Variants in PRRC2C observed in about 807,000 individuals in gnomAD.
The protein encoded by PRRC2C is proline rich coiled-coil 2C, also known as protein PRRC2C.
A neutral mutation model predicts 317.2 loss-of-function variants in PRRC2C; 72 were observed. That is an observed-to-expected ratio of 0.23 (90% confidence interval 0.19 to 0.28). PRRC2C has a LOEUF of 0.28. Ranked by LOEUF, PRRC2C falls within the 10% of genes least tolerant of loss-of-function variation. PRRC2C has a pLI of 1.00. For missense variants in PRRC2C, 3,074 were observed against 3,459.7 expected, an observed-to-expected ratio of 0.89 and a Z score of 2.80; for synonymous variants, 1,296 against 1,205.9, an observed-to-expected ratio of 1.07 and a Z score of -1.55.
intron 33 of PRRC2C, 138 bp downstream of exon 33, chr1:171,588,643 A>G: frequency 1.0e-6 from 1 of 987,450 alleles, no homozygotes; most frequent in East Asian, 2.7e-5. Context: ...TTAACAATAA[A>G]TTTATTTTAT....
intron 1 of PRRC2C, among the ~76,000 whole-genome samples, chr1:171,493,081 A>AG (rs1667476336): frequency 7.4e-5 from 2 of 27,092 alleles, no homozygotes; most frequent in African/African-American, 1.3e-4. Flanking sequence ...ATAAAATAAT[A>AG]AAAGAAGAGA....
chr1:171,491,143 G>A (rs1436383969), intron 1 of PRRC2C, among the ~76,000 whole-genome samples: 2 of 152,204 alleles, frequency 1.3e-5, no homozygotes, highest in Non-Finnish European at 2.9e-5. Flanking sequence ...GGGAAGATAC[G>A]TTCCCTATAA....
At chr1:171,510,810 C>A (rs1671235715) in intron 1 of PRRC2C, 1 of 152,078 alleles carries the variant, frequency 6.6e-6, no homozygotes, top group Non-Finnish European at 1.5e-5. Flanking sequence ...GAACCCGACA[C>A]CCTAGTTTCA....
chr1:171,568,401 C>A, intron 23 of PRRC2C, 62 bp downstream of exon 23: 2 of 1,537,940 alleles, frequency 1.3e-6, no homozygotes, highest in Non-Finnish European at 1.8e-6. Flanking sequence ...TTATCAAGCA[C>A]ATTATTTCAT....
At chr1:171,567,578 CAAG>C (rs1190599969) in intron 22 of PRRC2C, among the ~76,000 whole-genome samples, 2 of 152,090 alleles carry the variant, frequency 1.3e-5, no homozygotes, top group Non-Finnish European at 2.9e-5. Flanking sequence ...TGACAGGAAA[CAAG>C]GAGTGTACCC....
Position 171,572,003 on chromosome 1 carries a change from CT to C in PRRC2C, c.6753+591del, listed in dbSNP as rs879350501. ...CTTTTTGATGTCAAAATGTTTTGGC[CT>C]TTTTTTTTAATCTATTATAATTTTG... On this transcript the variant is annotated intron_variant, in intron 24 of 34. Transcript: ENST00000647382. Among the ~76,000 whole-genome samples, 761 of 148,682 alleles carry C rather than the reference CT, an allele frequency of 5.1e-3. 4 individuals carry two copies. Among genetic ancestry groups the C allele is most frequent in the African/African-American group, 0.017 (686 of 40,438 alleles).
intron 23 of PRRC2C, 115 bp downstream of exon 23, chr1:171,568,454 G>A (rs1684090348): frequency 7.1e-7 from 1 of 1,399,374 alleles, no homozygotes; most frequent in South Asian, 1.6e-5. Flanking sequence ...CAGGGAAAGA[G>A]TTGATAGTAA....
chr1:171,564,098 T>C (rs942892576), intron 20 of PRRC2C, among the ~76,000 whole-genome samples: 2 of 152,214 alleles, frequency 1.3e-5, no homozygotes, highest in African/African-American at 4.8e-5. Flanking sequence ...GAGTTTTTCC[T>C]CATGAAGAAA....
chr1:171,513,545 G>A, intron 3 of PRRC2C: 2 of 425,090 alleles, frequency 4.7e-6, no homozygotes, highest in Non-Finnish European at 9.4e-6. Flanking sequence ...TGTATCTCCA[G>A]CATTGAAACT....
chr1:171,550,852 T>C (rs1680094693), intron 18 of PRRC2C, among the ~76,000 whole-genome samples: 3 of 152,232 alleles, frequency 2.0e-5, no homozygotes, highest in African/African-American at 7.2e-5. Flanking sequence ...CACATTTTCT[T>C]AATCCAGTCT....
At chr1:171,525,714 A>T (rs909257597) in intron 10 of PRRC2C, among the ~76,000 whole-genome samples, 1 of 152,198 alleles carries the variant, frequency 6.6e-6, no homozygotes, top group Non-Finnish European at 1.5e-5. Context: ...TTGAGCATTC[A>T]TTTAAGGTAG....
chr1:171,559,312 C>T (rs1382285647), intron 19 of PRRC2C, among the ~76,000 whole-genome samples: 1 of 152,140 alleles, frequency 6.6e-6, no homozygotes, highest in Admixed American at 6.5e-5. Context: ...CAATGCCTGA[C>T]TTAAAAGGAC....
intron 18 of PRRC2C, among the ~76,000 whole-genome samples, chr1:171,555,292 T>C (rs1393431788): frequency 1.3e-5 from 2 of 152,220 alleles, no homozygotes; most frequent in East Asian, 3.8e-4. Flanking sequence ...GTAGCTCTCG[T>C]GCCATGGTTT....
intron 9 of PRRC2C, 50 bp downstream of exon 9, chr1:171,523,572 T>C (rs1465096394): frequency 7.2e-7 from 1 of 1,388,996 alleles, no homozygotes; most frequent in Admixed American, 1.9e-5. Context: ...GTTGATACAA[T>C]ATTAGCTACT....
At chr1:171,528,798 C>T (rs1490558619) in intron 11 of PRRC2C, among the ~76,000 whole-genome samples, 3 of 151,870 alleles carry the variant, frequency 2.0e-5, no homozygotes, top group Non-Finnish European at 4.4e-5. Flanking sequence ...GTTGATTTCT[C>T]TATCCTTCTT....
At position 171,550,698 on chromosome 1, in the gene PRRC2C, A is replaced by G. The variant is rs142552158; in HGVS notation, c.5127+458A>G. Among the ~76,000 whole-genome samples the G allele has an allele frequency of 5.0e-5, 7 of 139,686 alleles. No homozygotes were observed. The East Asian group carries it at 1.1e-3, about 21-fold the overall frequency. The allele number at this position is 139,686 out of a possible 152,430, so 91.6% of individuals were successfully genotyped here. ...TGTTCTCGTTGTTCAGTTCCTACCT[A>G]TGAGTGAGAACATGAGGTGTTTGGT... On this transcript the variant is annotated intron_variant, in intron 18 of 34. Transcript: ENST00000647382.
At chr1:171,520,575 T>A (rs947737488) in intron 6 of PRRC2C, among the ~76,000 whole-genome samples, 4 of 152,204 alleles carry the variant, frequency 2.6e-5, no homozygotes, top group African/African-American at 9.6e-5. Flanking sequence ...AAGCATTTTT[T>A]AAGACCACAT....
At chr1:171,526,805 C>CTTTTTTTTTTGTTTTTTTTTT (rs1674655446) in intron 10 of PRRC2C, among the ~76,000 whole-genome samples, 1 of 90,208 alleles carries the variant, frequency 1.1e-5, no homozygotes. Flanking sequence ...AGAAATATAT[C>CTTTTTTTTTTGTTTTTTTTTT]TTTTTTTTTT....
chr1:171,542,803 C>T (rs1456426109), intron 16 of PRRC2C, among the ~76,000 whole-genome samples: 1 of 151,980 alleles, frequency 6.6e-6, no homozygotes, highest in Non-Finnish European at 1.5e-5. Context: ...CCTTGTCACC[C>T]AGGCTGGAGT....
Sources: gnomAD v4.1 joint callset for allele counts (sites outside exome capture counted in the v4.1 genomes callset) on GRCh38, gnomAD v4.1.1 for gene constraint, MANE v1.5 for transcripts, NCBI Gene and HGNC (gene_info 2026-07-23, HGNC 2026-07-21) for gene names.